Variants in GALNT17 observed in about 807,000 individuals in gnomAD.
GALNT17 encodes the protein UDP-GalNAc:polypeptide N-acetylgalactosaminyltransferase-like 3.
Under a neutral mutation model 63.7 loss-of-function variants are expected in GALNT17, and 29 were observed. The ratio of observed to expected loss-of-function variants is 0.46; its 90% confidence interval spans 0.34 to 0.62. The LOEUF is 0.62. Among genes scored for constraint, GALNT17 ranks in the 20% least tolerant of loss-of-function variants. The pLI, the probability that GALNT17 is intolerant of heterozygous loss-of-function variation, is 0.01. For synonymous variants in GALNT17, 305 were observed against 318.3 expected (o/e 0.96, Z 0.45); for missense variants, 603 against 799.6 (o/e 0.75, Z 2.97).
At chr7:71,700,243 G>A (rs1525726) in intron 9 of GALNT17, among the ~76,000 whole-genome samples, 61,816 of 151,420 alleles carry the variant, frequency 0.41, 14,334 homozygotes, top group Non-Finnish European at 0.52. Context: ...AGGTGGCGGA[G>A]GTTGCAGTGA....
rs193173393 is a variant in GALNT17 at position 71,424,917 on chromosome 7, A to G, written c.962+3812A>G. 9.3e-4 allele frequency among the ~76,000 whole-genome samples: 141 copies of G among 152,330 alleles called. 2 individuals carry two copies. Among genetic ancestry groups the G allele is most frequent in the African/African-American group, 3.3e-3 (136 of 41,576 alleles). On this transcript the variant is annotated intron_variant, in intron 5 of 10. Coordinates refer to ENST00000333538, the MANE Select transcript of GALNT17 (RefSeq NM_022479.3). ...CTGAGACTTCCCGGTAAGCAACATA[A>G]TATAGGAGATTTGCATTAAGGGAAT...
intron 9 of GALNT17, among the ~76,000 whole-genome samples, chr7:71,696,688 C>T (rs1791550655): frequency 6.6e-6 from 1 of 152,076 alleles, no homozygotes; most frequent in South Asian, 2.1e-4. Context: ...AAATTCTTTC[C>T]CCCTAAATGA....
chr7:71,203,545 C>T (rs1408683018), intron 1 of GALNT17, among the ~76,000 whole-genome samples: 1 of 152,064 alleles, frequency 6.6e-6, no homozygotes, highest in Non-Finnish European at 1.5e-5. Context: ...GGATATTAAC[C>T]CCTTGTCAGG....
Position 71,710,861 on chromosome 7 carries a change from G to A in GALNT17, c.1601G>A (p.Arg534Gln), listed in dbSNP as rs373377222. 190 of 1,613,768 alleles carry A rather than the reference G, an allele frequency of 1.2e-4. 1 individual carries two copies. In the Middle Eastern group the frequency reaches 1.8e-3, roughly 16 times the overall value. ...TGCCTGGTGGACAACTCCAAGAGTC[G>A]GCTGCCCCAGCTCCTGGACTGCGAC... The part of the protein sequence containing the change: ...TRCLVDNSKS[R>Q]LPQLLDCDKV... The change falls in exon 10 of 11, where the codon CGG becomes CAG. Residue 534 changes from arginine (R) to glutamine (Q), a missense_variant. Physicochemically the swap from Arg to Gln is conservative, Grantham distance 43. Coordinates refer to ENST00000333538, the MANE Select transcript of GALNT17 (RefSeq NM_022479.3).
intron 6 of GALNT17, among the ~76,000 whole-genome samples, chr7:71,652,945 G>A (rs1436242959): frequency 6.6e-6 from 1 of 152,172 alleles, no homozygotes; most frequent in African/African-American, 2.4e-5. Flanking sequence ...GGAGAATCGG[G>A]CAGCTCATGC....
chr7:71,455,960 G>C (rs562160356), intron 5 of GALNT17, among the ~76,000 whole-genome samples: 3 of 152,266 alleles, frequency 2.0e-5, no homozygotes, highest in Non-Finnish European at 4.4e-5. Flanking sequence ...AGATTAGACT[G>C]TGAGGCCGGG....
At chr7:71,248,815 A>C (rs1247398729) in intron 1 of GALNT17, among the ~76,000 whole-genome samples, 1 of 152,200 alleles carries the variant, frequency 6.6e-6, no homozygotes, top group Non-Finnish European at 1.5e-5. Flanking sequence ...ACAGACAGGC[A>C]AGGGAACGTG....
intron 6 of GALNT17, among the ~76,000 whole-genome samples, chr7:71,597,560 T>G (rs1254900334): frequency 6.8e-6 from 1 of 146,468 alleles, no homozygotes; most frequent in East Asian, 2.0e-4. Flanking sequence ...CAAACATTTC[T>G]GAATTTCACA....
intron 6 of GALNT17, among the ~76,000 whole-genome samples, chr7:71,584,365 G>A (rs553666140): frequency 6.6e-6 from 1 of 152,132 alleles, no homozygotes; most frequent in East Asian, 1.9e-4. Context: ...AAACATACAC[G>A]AAGATAGCAC....
intron 1 of GALNT17, among the ~76,000 whole-genome samples, chr7:71,191,686 A>T (rs567541552): frequency 6.6e-6 from 1 of 152,220 alleles, no homozygotes; most frequent in Non-Finnish European, 1.5e-5. Context: ...CTGTTGATGG[A>T]CACCCAGACC....
At chr7:71,585,339 T>C (rs1294390489) in intron 6 of GALNT17, among the ~76,000 whole-genome samples, 1 of 152,212 alleles carries the variant, frequency 6.6e-6, no homozygotes, top group African/African-American at 2.4e-5. Context: ...TTTTAGCAGC[T>C]ACCAATGATC....
chr7:71,596,799 T>C (rs921960072), intron 6 of GALNT17, among the ~76,000 whole-genome samples: 1 of 152,022 alleles, frequency 6.6e-6, no homozygotes, highest in Admixed American at 6.5e-5. Context: ...AGGGCCCATC[T>C]TCCCTGCAAT....
chr7:71,476,938 G>A (rs937292134), intron 5 of GALNT17, among the ~76,000 whole-genome samples: 5 of 152,152 alleles, frequency 3.3e-5, no homozygotes, highest in Non-Finnish European at 7.4e-5. Flanking sequence ...GGCGCCAGGA[G>A]CCCAGGGACC....
chr7:71,571,476 G>A (rs1224064511), intron 6 of GALNT17, 74 bp downstream of exon 6: 10 of 1,280,456 alleles, frequency 7.8e-6, no homozygotes, highest in Admixed American at 6.8e-5. Flanking sequence ...TCCGTGGGGT[G>A]TATTTAAAGC....
At chr7:71,301,091 C>T (rs905711731) in intron 1 of GALNT17, among the ~76,000 whole-genome samples, 1 of 151,250 alleles carries the variant, frequency 6.6e-6, no homozygotes, top group African/African-American at 2.4e-5. Flanking sequence ...AGTTCAAGAG[C>T]AGTCTGGGCA....
intron 1 of GALNT17, among the ~76,000 whole-genome samples, chr7:71,164,271 A>G (rs2116261594): frequency 6.6e-6 from 1 of 152,362 alleles, no homozygotes; most frequent in East Asian, 1.9e-4. Context: ...GGGAGGCCTC[A>G]GGAAACTTAC....
At position 71,146,174 on chromosome 7, in the gene GALNT17, C is replaced by T. The variant is rs149116948; in HGVS notation, c.238+13134C>T. On this transcript the variant is annotated intron_variant, in intron 1 of 10. Coordinates refer to ENST00000333538, the MANE Select transcript of GALNT17 (RefSeq NM_022479.3). ...GATTCAGTCTCCTCTCAGCTCCCCA[C>T]GCCCTGAGTGACTGCTGATCTCAAA... is the stretch of plus-strand genomic sequence containing the variant. Among the ~76,000 whole-genome samples the T allele has an allele frequency of 1.5e-3, 224 of 152,228 alleles. 2 individuals are homozygous for T. Among genetic ancestry groups the T allele is most frequent in the African/African-American group, 4.7e-3 (194 of 41,542 alleles).
intron 1 of GALNT17, among the ~76,000 whole-genome samples, chr7:71,188,464 C>T (rs943609972): frequency 2.0e-5 from 3 of 152,104 alleles, no homozygotes; most frequent in Admixed American, 2.0e-4. Flanking sequence ...TTTTGATTTG[C>T]ATTTTCCTGA....
At chr7:71,487,006 T>A (rs554115434) in intron 5 of GALNT17, among the ~76,000 whole-genome samples, 2 of 152,300 alleles carry the variant, frequency 1.3e-5, no homozygotes, top group East Asian at 3.9e-4. Context: ...CCCAATTATG[T>A]CCCTCCTCCC....
Sources: allele counts gnomAD v4.1 joint callset (sites outside exome capture counted in the v4.1 genomes callset), GRCh38; gene constraint gnomAD v4.1.1; transcripts MANE v1.5; gene names NCBI Gene and HGNC (gene_info 2026-07-23, HGNC 2026-07-21).